MAN2B2: variants seen among roughly 807,000 people sequenced by gnomAD.
MAN2B2 encodes the protein mannosidase alpha class 2B member 2.
MAN2B2 carries 106 observed loss-of-function variants against 117.1 expected under a neutral mutation model. That is an observed-to-expected ratio of 0.90 (90% CI 0.77 to 1.06). The LOEUF is 1.06. Ranked by LOEUF, MAN2B2 falls within the 50% of genes least tolerant of loss-of-function variation. MAN2B2 has a pLI of 0.00. For synonymous variants in MAN2B2, 544 were observed against 595.1 expected, an observed-to-expected ratio of 0.91 and a Z score of 1.25; for missense variants, 1,326 against 1,381.4, an observed-to-expected ratio of 0.96 and a Z score of 0.64.
intron 2 of MAN2B2, among the ~76,000 whole-genome samples, chr4:6,578,036 G>A (rs936508895): frequency 5.3e-5 from 8 of 152,166 alleles, no homozygotes; most frequent in African/African-American, 1.9e-4. Flanking sequence ...GTAGAGACGG[G>A]GATGTTAAGC....
chr4:6,605,002 C>G, intron 10 of MAN2B2, 53 bp from the exon 11 acceptor site: 1 of 1,574,280 alleles, frequency 6.4e-7, no homozygotes, highest in African/African-American at 1.4e-5. Flanking sequence ...GCACCCCATT[C>G]CAGAAAGTGT....
intron 16 of MAN2B2, among the ~76,000 whole-genome samples, chr4:6,614,580 C>G (rs1460854921): frequency 6.6e-6 from 1 of 152,166 alleles, no homozygotes; most frequent in Non-Finnish European, 1.5e-5. Context: ...CCTGTGACCC[C>G]AGCGCATTCT....
Position 6,609,272 on chromosome 4 carries a change from G to T in MAN2B2, c.1980G>T (p.Val660=). The change falls in exon 12 of 19, where the codon GTG becomes GTT. Residue 660 remains valine (V), a synonymous_variant. Coordinates refer to ENST00000285599, the MANE Select transcript of MAN2B2 (RefSeq NM_015274.3). ...TGGAGATTGTGGCGGGACAGCTTGT[G>T]ACTGAGATCCGGCAGTACTTCTACA... ...VEMEIVAGQL[V]TEIRQYFYRN... is the part of the protein sequence containing the mutation. 1 of 1,614,016 alleles carries T rather than the reference G, an allele frequency of 6.2e-7. No individual in the cohort carries two copies. The highest frequency in any genetic ancestry group is 1.1e-5 in the South Asian group (1 of 91,042).
At chr4:6,615,328 A>G (rs1711812024) in intron 16 of MAN2B2, among the ~76,000 whole-genome samples, 1 of 152,072 alleles carries the variant, frequency 6.6e-6, no homozygotes, top group Admixed American at 6.5e-5. Context: ...GGGATCCCTC[A>G]CCATTCCTGC....
rs1235054226 is a variant in MAN2B2, at chr4:6,578,856, T to A, written c.391+358T>A. On this transcript the variant is annotated intron_variant, in intron 3 of 18. Transcript: ENST00000285599. Reference sequence around the variant, plus strand: ...TGAGTATTAAATGGGATAATTCAAATAAAGCACTTTAGTAGGATGTGGGTT... The same window carrying A: ...TGAGTATTAAATGGGATAATTCAAAAAAAGCACTTTAGTAGGATGTGGGTT... Among the ~76,000 whole-genome samples the A allele has an allele frequency of 2.0e-5, 3 of 151,942 alleles. No individual in the cohort carries two copies. In the East Asian group the frequency reaches 5.8e-4, roughly 29 times the overall value.
intron 10 of MAN2B2, among the ~76,000 whole-genome samples, chr4:6,602,602 G>A (rs1169084138): frequency 6.6e-6 from 1 of 152,134 alleles, no homozygotes; most frequent in African/African-American, 2.4e-5. Flanking sequence ...GAGTTAGGAG[G>A]TGGCATTAGC....
At chr4:6,617,993 A>G in intron 17 of MAN2B2, 1 of 162,552 alleles carries the variant, frequency 6.2e-6, no homozygotes. Flanking sequence ...GATTACAGGC[A>G]TGTGCCACCA....
At chr4:6,617,090 G>A (rs535321484) in intron 16 of MAN2B2, among the ~76,000 whole-genome samples, 1 of 152,270 alleles carries the variant, frequency 6.6e-6, no homozygotes, top group East Asian at 1.9e-4. Flanking sequence ...CAGGGGAACT[G>A]CCCTTTACAA....
At position 6,617,410 on chromosome 4, in the gene MAN2B2, G is replaced by A. The variant is rs370359547; in HGVS notation, c.2732G>A (p.Arg911His). 80 of 1,614,122 alleles carry A rather than the reference G, an allele frequency of 5.0e-5. No homozygotes were observed. The highest frequency in any genetic ancestry group is 2.8e-4 in the Admixed American group (17 of 60,026). Residue 911 changes from arginine (R) to histidine (H), a missense_variant, in exon 17 of 19, where the codon CGC becomes CAC. Transcript: ENST00000285599. Reference protein sequence around the residue: ...GHRGEAQADLRRVLLRLYHLY... With the variant: ...GHRGEAQADLHRVLLRLYHLY... The stretch of plus-strand genomic sequence containing the variant: ...CGAGGGGAAGCCCAGGCTGACCTCC[G>A]CCGTGTCCTGCTGCGGCTCTACCAC...
Position 6,609,919 on chromosome 4 carries a change from G to A in MAN2B2, c.2128G>A (p.Glu710Lys). Residue 710 changes from glutamate to lysine, a missense_variant, in exon 13 of 19, where the codon GAG becomes AAG. Transcript: ENST00000285599. ...GCAGGAGTACCAAGCCGGCCCCCTG[G>A]AGCTGAACCGTGAGGCTGTCCTGAG... is the stretch of plus-strand genomic sequence containing the variant. ...IEQEYQAGPL[E>K]LNREAVLRTS... 1 of 1,614,146 alleles carries A rather than the reference G, an allele frequency of 6.2e-7. No homozygotes were observed. The highest frequency in any genetic ancestry group is 8.5e-7 in the Non-Finnish European group (1 of 1,180,036).
rs375847435 is a variant in MAN2B2, at chr4:6,597,173, G to A, written c.1118G>A (p.Arg373Gln). 1.0e-4 allele frequency: 169 copies of A among 1,612,864 alleles called. 1 individual carries two copies. The highest frequency in any genetic ancestry group is 1.3e-4 in the Non-Finnish European group (151 of 1,179,818). Reference protein sequence around the residue: ...TSRSSLKGLARRASALLYAGE... With the variant: ...TSRSSLKGLAQRASALLYAGE... ...CGCAGCTCACTGAAGGGGCTGGCCC[G>A]GCGAGCCAGCGCCTTGTTGTATGCC... Residue 373 changes from arginine (R) to glutamine (Q), a missense_variant, in exon 8 of 19, where the codon CGG becomes CAG. Transcript: ENST00000285599.
chr4:6,608,323 C>T (rs1226948769), intron 11 of MAN2B2, among the ~76,000 whole-genome samples: 2 of 152,220 alleles, frequency 1.3e-5, no homozygotes, highest in African/African-American at 4.8e-5. Flanking sequence ...CCTCCCTTTC[C>T]TTCCCCACCC....
intron 1 of MAN2B2, among the ~76,000 whole-genome samples, chr4:6,576,104 C>T (rs1051634811): frequency 2.6e-5 from 4 of 152,170 alleles, no homozygotes; most frequent in Admixed American, 6.5e-5. Flanking sequence ...GGGAGGCAGA[C>T]GCCTAGACGC....
chr4:6,615,367 C>A (rs555270420), intron 16 of MAN2B2, among the ~76,000 whole-genome samples: 1 of 152,310 alleles, frequency 6.6e-6, no homozygotes, highest in Non-Finnish European at 1.5e-5. Context: ...CCTTCCCTGA[C>A]TTTGGAGCTG....
intron 3 of MAN2B2, among the ~76,000 whole-genome samples, chr4:6,579,301 T>TCACCACCACCACCACCATCACCAC (rs1726300203): frequency 6.3e-5 from 1 of 15,808 alleles, no homozygotes; most frequent in African/African-American, 2.7e-4. Flanking sequence ...ACCACCACCA[T>TCACCACCACCACCACCATCACCAC]CACCACCACC....
intron 18 of MAN2B2, chr4:6,620,934 C>T (rs1017910331): frequency 1.3e-5 from 6 of 475,510 alleles, no homozygotes; most frequent in East Asian, 7.0e-5. Flanking sequence ...TGGGCAGAAA[C>T]GCCAAGAGGC....
At chr4:6,608,381 T>C (rs775814472) in intron 11 of MAN2B2, among the ~76,000 whole-genome samples, 1 of 152,172 alleles carries the variant, frequency 6.6e-6, no homozygotes, top group Non-Finnish European at 1.5e-5. Context: ...TCCACCTCAT[T>C]GTCCGCCCAC....
chr4:6,619,845 G>C, intron 17 of MAN2B2, 82 bp from the exon 18 acceptor site: 1 of 1,279,396 alleles, frequency 7.8e-7, no homozygotes, highest in Non-Finnish European at 1.1e-6. Flanking sequence ...TTCGTGGTGT[G>C]TCTGCCCTGC....
intron 9 of MAN2B2, among the ~76,000 whole-genome samples, chr4:6,598,859 C>T (rs1222877010): frequency 6.6e-6 from 1 of 152,206 alleles, no homozygotes; most frequent in Admixed American, 6.5e-5. Context: ...CCCTCCCGAA[C>T]TCCACTTGGC....
Sources: gnomAD v4.1 joint callset for allele counts (sites outside exome capture counted in the v4.1 genomes callset) on GRCh38, gnomAD v4.1.1 for gene constraint, MANE v1.5 for transcripts, NCBI Gene and HGNC (gene_info 2026-07-23, HGNC 2026-07-21) for gene names.